Variants in DNAJC10 observed in about 807,000 individuals in gnomAD.
The protein encoded by DNAJC10 is endoplasmic reticulum disulfide reductase DNAJC10.
In DNAJC10, 101 loss-of-function variants were observed where a neutral mutation model predicts 115.0. The ratio of observed to expected loss-of-function variants is 0.88; its 90% confidence interval spans 0.75 to 1.04. The LOEUF is 1.04. DNAJC10 is among the 50% of genes least tolerant of loss of function. The probability of loss-of-function intolerance (pLI) is 0.00; values close to 1 mark genes in which losing one functional copy is unlikely to be tolerated. For missense variants in DNAJC10, 981 were observed against 928.8 expected (o/e 1.06, Z -0.73); for synonymous variants, 307 against 301.5 (o/e 1.02, Z -0.19).
intron 22 of DNAJC10, among the ~76,000 whole-genome samples, chr2:182,772,859 T>TA (rs1694604368): frequency 6.6e-6 from 1 of 152,216 alleles, no homozygotes; most frequent in Non-Finnish European, 1.5e-5. Flanking sequence ...AATATTGTTA[T>TA]GTGTGAATTT....
chr2:182,768,908 G>A (rs1249790795), intron 22 of DNAJC10, among the ~76,000 whole-genome samples: 1 of 152,122 alleles, frequency 6.6e-6, no homozygotes, highest in East Asian at 1.9e-4. Context: ...CATGTGTCGT[G>A]TTGGTTTGCT....
rs140664013 is a variant in DNAJC10 at position 182,768,339 on chromosome 2, A to T, written c.2265+5538A>T. 7.2e-3 allele frequency among the ~76,000 whole-genome samples: 1,102 copies of T among 152,294 alleles called. 5 individuals are homozygous for T. Among genetic ancestry groups the T allele is most frequent in the South Asian group, 0.032 (154 of 4,828 alleles). On this transcript the variant is annotated intron_variant, in intron 22 of 23. Coordinates refer to ENST00000264065, the MANE Select transcript of DNAJC10 (RefSeq NM_018981.4). Reference sequence around the variant, plus strand: ...GGATCTTCTTCAGATAATATCAGAGAAGTATCAATTTAATGAGCAGTTACA... The same window carrying T: ...GGATCTTCTTCAGATAATATCAGAGTAGTATCAATTTAATGAGCAGTTACA...
chr2:182,728,178 A>T (rs1231068022), intron 5 of DNAJC10, among the ~76,000 whole-genome samples: 3 of 151,946 alleles, frequency 2.0e-5, no homozygotes, highest in Non-Finnish European at 1.5e-5. Context: ...AATCTCAGTC[A>T]CTCTTACTAT....
intron 2 of DNAJC10, among the ~76,000 whole-genome samples, chr2:182,717,613 C>A (rs1693027580): frequency 6.6e-6 from 1 of 152,200 alleles, no homozygotes; most frequent in Non-Finnish European, 1.5e-5. Context: ...ACAGGCAACG[C>A]TATAACTGGG....
chr2:182,756,354 C>T lies in DNAJC10; in HGVS notation c.1694C>T (p.Thr565Ile), dbSNP rs1201115906. Residue 565 changes from threonine (T) to isoleucine (I), a missense_variant, in exon 18 of 24, where the codon ACC becomes ATC. Coordinates refer to ENST00000264065, the MANE Select transcript of DNAJC10 (RefSeq NM_018981.4). Reference protein sequence around the residue: ...NPSVVSLTPTTFNELVTQRKH... With the variant: ...NPSVVSLTPTIFNELVTQRKH... ...TCAGTGGTCTCCCTTACACCCACCA[C>T]CTTCAACGAACTAGTTACACAAAGA... The T allele has an allele frequency of 6.2e-7, 1 of 1,613,974 alleles. No homozygotes were observed. The highest frequency in any genetic ancestry group is 1.7e-5 in the Admixed American group (1 of 60,024).
At chr2:182,726,670 C>A (rs1303536956) in intron 5 of DNAJC10, among the ~76,000 whole-genome samples, 1 of 152,170 alleles carries the variant, frequency 6.6e-6, no homozygotes, top group Non-Finnish European at 1.5e-5. Flanking sequence ...TCAGTCAGCA[C>A]CCATCAACAT....
At chr2:182,727,463 G>A (rs1232431259) in intron 5 of DNAJC10, among the ~76,000 whole-genome samples, 1 of 152,046 alleles carries the variant, frequency 6.6e-6, no homozygotes, top group Non-Finnish European at 1.5e-5. Flanking sequence ...ACTGGTTTGT[G>A]GTCTAAACCA....
intron 7 of DNAJC10, chr2:182,729,238 T>A (rs1693374202): frequency 5.8e-6 from 2 of 343,838 alleles, no homozygotes; most frequent in South Asian, 6.2e-5. Context: ...AACCTCTGCC[T>A]CCTGGGCTCA....
At chr2:182,730,357 A>G (rs530725113) in intron 8 of DNAJC10, among the ~76,000 whole-genome samples, 1 of 152,318 alleles carries the variant, frequency 6.6e-6, no homozygotes, top group South Asian at 2.1e-4. Context: ...GATTAAGCTA[A>G]TAATAGTATT....
At chr2:182,777,060 T>C in intron 23 of DNAJC10, 61 bp from the exon 24 acceptor site, 1 of 1,152,892 alleles carries the variant, frequency 8.7e-7, no homozygotes, top group East Asian at 2.6e-5. Flanking sequence ...TTTCACCTTA[T>C]TTTTAACATT....
chr2:182,772,622 G>T (rs563061781), intron 22 of DNAJC10, among the ~76,000 whole-genome samples: 1 of 152,116 alleles, frequency 6.6e-6, no homozygotes, highest in African/African-American at 2.4e-5. Context: ...TTTTATCAGA[G>T]ACTAGGATTG....
chr2:182,732,324 T>G (rs13417915), intron 9 of DNAJC10, among the ~76,000 whole-genome samples, 175 bp from the exon 10 acceptor site: 34 of 109,306 alleles, frequency 3.1e-4, no homozygotes, highest in African/African-American at 4.5e-4. Context: ...GTGTGTGTTT[T>G]TGTGTGTGTG....
intron 22 of DNAJC10, among the ~76,000 whole-genome samples, chr2:182,766,205 G>GA (rs951817936): frequency 1.3e-5 from 2 of 152,078 alleles, no homozygotes; most frequent in African/African-American, 4.8e-5. Context: ...GCGTTCTGAT[G>GA]AAAAAAATCA....
At position 182,789,659 on chromosome 2, in the gene DNAJC10, GAAACCC is replaced by G. The variant is rs1461862482; in HGVS notation, c.*12528_*12533del. 6.6e-6 allele frequency: 1 copy of G among 152,166 alleles called. No individual in the cohort carries two copies. Among genetic ancestry groups the G allele is most frequent in the East Asian group, 1.9e-4 (1 of 5,196 alleles). 9.4% of individuals were successfully genotyped at this position (152,166 alleles called of 1,614,324 possible). A position where few individuals can be genotyped will look rare whatever the true frequency, so the allele number is the denominator to read the frequency against. Reference sequence around the variant, plus strand: ...TATAAACATGGGTGTACAAATATCAGAAACCCTGCTTTCAGTTCTTTCAGCTATATA... The same window carrying G: ...TATAAACATGGGTGTACAAATATCAGTGCTTTCAGTTCTTTCAGCTATATA... On this transcript the variant is annotated 3_prime_UTR_variant, in exon 24 of 24. Transcript: ENST00000264065.
chr2:182,730,253 T>A (rs1489771063), intron 8 of DNAJC10, among the ~76,000 whole-genome samples: 1 of 152,196 alleles, frequency 6.6e-6, no homozygotes, highest in Non-Finnish European at 1.5e-5. Context: ...TAAATATGCT[T>A]ATCAATCAGT....
chr2:182,777,417 A>C lies in DNAJC10; in HGVS notation c.*285A>C, dbSNP rs1694736928. 1 of 227,886 alleles carries C rather than the reference A, an allele frequency of 4.4e-6. No homozygotes were observed. The highest frequency in any genetic ancestry group is 2.2e-5 in the African/African-American group (1 of 44,574). The allele number at this position is 227,886 out of a possible 1,614,324, so 14.1% of individuals were successfully genotyped here. A position where few individuals can be genotyped will look rare whatever the true frequency, so the allele number is the denominator to read the frequency against. On this transcript the variant is annotated 3_prime_UTR_variant, in exon 24 of 24. Transcript: ENST00000264065. ...GTATTCTTTGTTATTTGCTTTTAAC[A>C]ACCTTTAAAAAATATTAAAACGATT...
rs952693973 is a variant in DNAJC10 at position 182,788,480 on chromosome 2, CA to C, written c.*11354del. The C allele has an allele frequency of 1.0e-5, 2 of 200,188 alleles. No homozygotes were observed. The highest frequency in any genetic ancestry group is 1.0e-5 in the Non-Finnish European group (1 of 98,702). The allele number at this position is 200,188 out of a possible 1,614,324, so 12.4% of individuals were successfully genotyped here. A position where few individuals can be genotyped will look rare whatever the true frequency, so the allele number is the denominator to read the frequency against. Reference sequence around the variant, plus strand: ...ATCATCAAATAAGTTATAAAACCACCAAAAAATAGGAGAAAATGGGAGTAAA... The same window carrying C: ...ATCATCAAATAAGTTATAAAACCACCAAAAATAGGAGAAAATGGGAGTAAA... On this transcript the variant is annotated 3_prime_UTR_variant, in exon 24 of 24. Coordinates refer to ENST00000264065, the MANE Select transcript of DNAJC10 (RefSeq NM_018981.4).
chr2:182,773,230 G>A (rs1265134753), intron 22 of DNAJC10, among the ~76,000 whole-genome samples: 1 of 152,108 alleles, frequency 6.6e-6, no homozygotes, highest in African/African-American at 2.4e-5. Context: ...TCCCTTTGAG[G>A]GTAACTCGAC....
intron 2 of DNAJC10, among the ~76,000 whole-genome samples, chr2:182,717,517 A>G (rs1693025359): frequency 1.3e-5 from 2 of 152,200 alleles, no homozygotes; most frequent in South Asian, 2.1e-4. Flanking sequence ...GTCCCTCCCA[A>G]GGACATTTCC....
Sources: allele counts gnomAD v4.1 joint callset (sites outside exome capture counted in the v4.1 genomes callset), GRCh38; gene constraint gnomAD v4.1.1; transcripts MANE v1.5; gene names NCBI Gene and HGNC (gene_info 2026-07-23, HGNC 2026-07-21).